Variants in SLC71A1 observed in about 807,000 individuals in gnomAD.
The protein encoded by SLC71A1 is solute carrier family 71 member 1.
At chr1:100,071,530 A>G in the SLC71A1 span, among the ~76,000 whole-genome samples, 2 of 152,022 alleles carry the variant, frequency 1.3e-5, no homozygotes, top group Non-Finnish European at 2.9e-5. Context: ...GAATTATCAA[A>G]GATTAACCCA....
the SLC71A1 span, among the ~76,000 whole-genome samples, chr1:100,045,303 G>A: frequency 1.3e-5 from 2 of 152,042 alleles, no homozygotes; most frequent in Non-Finnish European, 2.9e-5. Context: ...CAGCTTTGTC[G>A]TTGCTGGAAT....
the SLC71A1 span, among the ~76,000 whole-genome samples, chr1:100,039,446 A>T: frequency 1.3e-5 from 2 of 152,250 alleles, no homozygotes; most frequent in Non-Finnish European, 2.9e-5. Context: ...CAATATGCCA[A>T]AGTTTAGAAA....
the SLC71A1 span, among the ~76,000 whole-genome samples, chr1:100,050,418 T>A: frequency 2.6e-5 from 4 of 152,224 alleles, no homozygotes; most frequent in Non-Finnish European, 5.9e-5. Context: ...AGGGCTATTC[T>A]TTAATAGATC....
At chr1:100,038,382 C>G in the SLC71A1 span, 2 of 1,297,280 alleles carry the variant, frequency 1.5e-6, no homozygotes, top group Admixed American at 2.0e-5. Context: ...TTCAGACCCC[C>G]ACACTGCCGT....
At chr1:100,039,636 A>C in the SLC71A1 span, among the ~76,000 whole-genome samples, 2 of 152,238 alleles carry the variant, frequency 1.3e-5, no homozygotes, top group African/African-American at 4.8e-5. Context: ...CTTTTGACCA[A>C]GTAGGTAAGA....
chr1:100,067,812 C>G, the SLC71A1 span, among the ~76,000 whole-genome samples: 2 of 152,108 alleles, frequency 1.3e-5, no homozygotes, highest in East Asian at 3.9e-4. Flanking sequence ...CCAGTTCCCC[C>G]ACTCTCGCCC....
the SLC71A1 span, among the ~76,000 whole-genome samples, chr1:100,076,474 C>T: frequency 2.0e-5 from 3 of 152,120 alleles, no homozygotes; most frequent in Admixed American, 6.5e-5. Context: ...CTGATTATTG[C>T]CAGGCACAAT....
chr1:100,062,166 CAT>C, the SLC71A1 span: 4 of 424,440 alleles, frequency 9.4e-6, no homozygotes, highest in Non-Finnish European at 1.2e-5. Context: ...TCATAAGTCA[CAT>C]GTCAGAATTG....
the SLC71A1 span, chr1:100,050,000 TG>T: frequency 6.5e-7 from 1 of 1,531,118 alleles, no homozygotes; most frequent in Non-Finnish European, 9.0e-7. Flanking sequence ...GCACCCACCT[TG>T]GTGGTAAGTA....
At chr1:100,076,860 A>T in the SLC71A1 span, among the ~76,000 whole-genome samples, 1 of 152,216 alleles carries the variant, frequency 6.6e-6, no homozygotes, top group African/African-American at 2.4e-5. Flanking sequence ...GGGATCTCCA[A>T]ATCATTAGTT....
At chr1:100,080,771 A>G in the SLC71A1 span, 1 of 952,294 alleles carries the variant, frequency 1.1e-6, no homozygotes, top group Non-Finnish European at 1.6e-6. Flanking sequence ...ATTGGATAAA[A>G]TGCTTAAAAA....
chr1:100,044,238 C>T, the SLC71A1 span, among the ~76,000 whole-genome samples: 1 of 152,264 alleles, frequency 6.6e-6, no homozygotes, highest in South Asian at 2.1e-4. Context: ...TAAATTATGG[C>T]CATTCTTGCA....
the SLC71A1 span, among the ~76,000 whole-genome samples, chr1:100,040,609 TGCCA>T: frequency 7.9e-5 from 12 of 152,094 alleles, no homozygotes; most frequent in Non-Finnish European, 1.5e-4. Context: ...TACAGGCACG[TGCCA>T]CCATGCCTGG....
At chr1:100,061,865 G>A in the SLC71A1 span, 1 of 1,612,810 alleles carries the variant, frequency 6.2e-7, no homozygotes, top group Non-Finnish European at 8.5e-7. Context: ...CTGTTTCTGG[G>A]GTTTTTGCAG....
At chr1:100,044,653 T>C in the SLC71A1 span, among the ~76,000 whole-genome samples, 1 of 151,838 alleles carries the variant, frequency 6.6e-6, no homozygotes, top group African/African-American at 2.4e-5. Flanking sequence ...GTAGCTGGGA[T>C]TACAGGCACA....
chr1:100,046,385 C>G, the SLC71A1 span, among the ~76,000 whole-genome samples: 2 of 151,970 alleles, frequency 1.3e-5, no homozygotes, highest in Non-Finnish European at 2.9e-5. Context: ...ACCACCACGC[C>G]TGGCTAATTT....
chr1:100,078,198 A>G, the SLC71A1 span, among the ~76,000 whole-genome samples: 1 of 152,322 alleles, frequency 6.6e-6, no homozygotes, highest in East Asian at 1.9e-4. Context: ...AATAATACCC[A>G]GCACATTTTA....
At chr1:100,071,495 A>G in the SLC71A1 span, among the ~76,000 whole-genome samples, 1 of 152,108 alleles carries the variant, frequency 6.6e-6, no homozygotes, top group African/African-American at 2.4e-5. Flanking sequence ...AGGAAAATAC[A>G]CAGTTAGTAT....
At chr1:100,046,203 C>T in the SLC71A1 span, among the ~76,000 whole-genome samples, 2 of 142,202 alleles carry the variant, frequency 1.4e-5, no homozygotes, top group African/African-American at 5.2e-5. Flanking sequence ...TGTGATTCCT[C>T]CAAGCCTCGT....
Sources: gnomAD v4.1 joint callset for allele counts (sites outside exome capture counted in the v4.1 genomes callset) on GRCh38, gnomAD v4.1.1 for gene constraint, MANE v1.5 for transcripts, NCBI Gene and HGNC (gene_info 2026-07-23, HGNC 2026-07-21) for gene names.